The following TMEM225 variants were observed in gnomAD, a reference collection of about 807,000 sequenced individuals.
TMEM225 encodes the protein transmembrane protein 225, also known as PMP22 claudin domain-containing protein.
A neutral mutation model predicts 17.6 loss-of-function variants in TMEM225; 10 were observed. The observed-to-expected ratio is 0.57, with a 90% confidence interval of 0.35 to 0.96. The LOEUF (loss-of-function observed/expected upper bound fraction) is 0.96. TMEM225 is among the 40% of genes least tolerant of loss of function. The pLI is 0.02. For missense variants in TMEM225, 245 were observed against 271.5 expected, an observed-to-expected ratio of 0.90 and a Z score of 0.69; for synonymous variants, 101 against 94.5, an observed-to-expected ratio of 1.07 and a Z score of -0.40.
chr11:123,883,616 A>G (rs1478876434), intron 3 of TMEM225, among the ~76,000 whole-genome samples: 1 of 152,166 alleles, frequency 6.6e-6, no homozygotes, highest in African/African-American at 2.4e-5. Context: ...ATTACAAATG[A>G]AATTTTAAAG....
chr11:123,885,458 CACT>C lies in TMEM225; in HGVS notation c.-36_-34del. Reference sequence around the variant, plus strand: ...GAAAATTTCTAGCTGGAACCACCACCACTATTTTGTAGATCTCTTCCTTGATTT... The same window carrying C: ...GAAAATTTCTAGCTGGAACCACCACCATTTTGTAGATCTCTTCCTTGATTT... On this transcript the variant is annotated 5_prime_UTR_variant, in exon 1 of 4. The change creates a new upstream start codon in the 5' untranslated region. Coordinates refer to ENST00000375026, the MANE Select transcript of TMEM225 (RefSeq NM_001013743.3). The C allele has an allele frequency of 6.3e-7, 1 of 1,588,314 alleles. No homozygotes were observed. The highest frequency in any genetic ancestry group is 8.6e-7 in the Non-Finnish European group (1 of 1,164,510).
chr11:123,885,181 G>C, intron 1 of TMEM225, 64 bp downstream of exon 1: 1 of 1,483,608 alleles, frequency 6.7e-7, no homozygotes, highest in Non-Finnish European at 9.2e-7. Context: ...TGCAAGTTAA[G>C]GAAAGCCAAG....
chr11:123,885,473 C>A lies in TMEM225; in HGVS notation c.-48G>T. ...GAACCACCACCACTATTTTGTAGAT[C>A]TCTTCCTTGATTTGATTAGTTACAA... is the stretch of plus-strand genomic sequence containing the variant. On this transcript the variant is annotated 5_prime_UTR_variant, in exon 1 of 4. Transcript: ENST00000375026. 1 of 1,553,682 alleles carries A rather than the reference C, an allele frequency of 6.4e-7. No homozygotes were observed. Among genetic ancestry groups the A allele is most frequent in the East Asian group, 2.3e-5 (1 of 44,334 alleles).
chr11:123,884,220 GAC>G lies in TMEM225; in HGVS notation c.329-13_329-12del, dbSNP rs1863006305. 8.9e-5 allele frequency: 58 copies of G among 651,726 alleles called. No homozygotes were observed. Among genetic ancestry groups the G allele is most frequent in the South Asian group, 3.3e-4 (6 of 18,002 alleles). The allele number at this position is 651,726 out of a possible 1,614,324, so 40.4% of individuals were successfully genotyped here. The stretch of plus-strand genomic sequence containing the variant: ...AGAGCAGAGAGATACCTGATGTCCA[GAC>G]AAAAAAAAAAAAAAAAAAAGAAAAA... On this transcript the variant is annotated splice_polypyrimidine_tract_variant and intron_variant, in intron 2 of 3. Coordinates refer to ENST00000375026, the MANE Select transcript of TMEM225 (RefSeq NM_001013743.3).
At position 123,885,236 on chromosome 11, in the gene TMEM225, A is replaced by G. The variant is rs755815456; in HGVS notation, c.181+9T>C. 1 of 1,611,384 alleles carries G rather than the reference A, an allele frequency of 6.2e-7. No individual in the cohort carries two copies. Among genetic ancestry groups the G allele is most frequent in the East Asian group, 2.2e-5 (1 of 44,852 alleles). ...TTCCACCCGTCTCTTTCTAGAGTAC[A>G]GTTCTGACCTTCTGGCCAAAGAGCA... On this transcript the variant is annotated intron_variant, in intron 1 of 3. Coordinates refer to ENST00000375026, the MANE Select transcript of TMEM225 (RefSeq NM_001013743.3).
chr11:123,884,325 A>G, intron 2 of TMEM225, 116 bp from the exon 3 acceptor site: 1 of 1,361,736 alleles, frequency 7.3e-7, no homozygotes, highest in Non-Finnish European at 9.8e-7. Flanking sequence ...CCCAACCCCC[A>G]CCCGGTCCAA....
At position 123,883,200 on chromosome 11, in the gene TMEM225, C is replaced by A. The variant is rs1273013840; in HGVS notation, c.616G>T (p.Ala206Ser). The A allele has an allele frequency of 6.2e-7, 1 of 1,613,422 alleles. No homozygotes were observed. Among genetic ancestry groups the A allele is most frequent in the Non-Finnish European group, 8.5e-7 (1 of 1,179,642 alleles). ...CTAMPRSIVR[A>S]HTVNSLNKKV... ...TTGTTTAGGGAATTCACAGTGTGTG[C>A]ACGGACAATGCTACGAGGCATTGCA... The change falls in exon 4 of 4, where the codon GCA (alanine) becomes TCA (serine). Residue 206 changes from alanine to serine, a missense_variant. Transcript: ENST00000375026.
At position 123,885,500 on chromosome 11, in the gene TMEM225, A is replaced by C; in HGVS notation, c.-75T>G. On this transcript the variant is annotated 5_prime_UTR_variant, in exon 1 of 4. Transcript: ENST00000375026. Reference sequence around the variant, plus strand: ...CTTCCTTGATTTGATTAGTTACAAGAAGGGTGATATCTGAACTTTCAGTGG... The same window carrying C: ...CTTCCTTGATTTGATTAGTTACAAGCAGGGTGATATCTGAACTTTCAGTGG... 2.1e-6 allele frequency: 3 copies of C among 1,418,202 alleles called. No individual in the cohort carries two copies. Among genetic ancestry groups the C allele is most frequent in the Non-Finnish European group, 2.9e-6 (3 of 1,030,704 alleles). The allele number at this position is 1,418,202 out of a possible 1,614,324, so 87.9% of individuals were successfully genotyped here. A position where few individuals can be genotyped will look rare whatever the true frequency, so the allele number is the denominator to read the frequency against.
In TMEM225 at chr11:123,884,503, G is replaced by A; in HGVS notation, c.315C>T (p.Leu105=). ...NKYIQLFTTI[L]SFFSGISLLW... ...CCAGGAAGTTACCTGAGAAGAAACT[G>A]AGGATGGTAGTGAAGAGTTGTATAT... Residue 105 remains leucine, a synonymous_variant, in exon 2 of 4, where the codon CTC becomes CTT. Coordinates refer to ENST00000375026, the MANE Select transcript of TMEM225 (RefSeq NM_001013743.3). The A allele has an allele frequency of 6.2e-7, 1 of 1,610,708 alleles. No individual in the cohort carries two copies. Among genetic ancestry groups the A allele is most frequent in the Non-Finnish European group, 8.5e-7 (1 of 1,178,550 alleles).
Position 123,884,141 on chromosome 11 carries a change from A to G in TMEM225, c.397T>C (p.Ser133Pro), listed in dbSNP as rs538371635. The change falls in exon 3 of 4, where the codon TCT (serine) becomes CCT (proline). Residue 133 changes from serine to proline, a missense_variant. By Grantham distance (74) the Ser-to-Pro change is moderately conservative (BLOSUM62 -1). Coordinates refer to ENST00000375026, the MANE Select transcript of TMEM225 (RefSeq NM_001013743.3). ...ATGATCCAGGTGATCCTATAACTAGAGAAGTGCATGGATTGACCTTGCTTC... is the reference window on the plus strand; with the variant it reads ...ATGATCCAGGTGATCCTATAACTAGGGAAGTGCATGGATTGACCTTGCTTC... Reference protein sequence around the residue: ...KLKQGQSMHFSSYRITWIMYT... With the variant: ...KLKQGQSMHFPSYRITWIMYT... The G allele has an allele frequency of 9.9e-6, 16 of 1,611,606 alleles. No homozygotes were observed. The highest frequency in any genetic ancestry group is 1.7e-4 in the Middle Eastern group (1 of 6,052).
intron 1 of TMEM225, 26 bp from the exon 2 acceptor site, chr11:123,884,662 A>G (rs2137478175): frequency 6.2e-7 from 1 of 1,601,200 alleles, no homozygotes; most frequent in Middle Eastern, 1.7e-4. Flanking sequence ...AGCTGTTTTG[A>G]GAGGACAGAT....
intron 2 of TMEM225, 107 bp downstream of exon 2, chr11:123,884,383 C>A: frequency 1.5e-6 from 2 of 1,309,524 alleles, no homozygotes; most frequent in Non-Finnish European, 2.1e-6. Context: ...TATGGTAGAT[C>A]TAACTCAGAA....
At chr11:123,884,011 A>G in intron 3 of TMEM225, 64 bp downstream of exon 3, 3 of 1,499,376 alleles carry the variant, frequency 2.0e-6, no homozygotes, top group Middle Eastern at 1.8e-4. Context: ...TCATCTTTTT[A>G]CCCTTCCCTC....
Position 123,885,244 on chromosome 11 carries a change from C to A in TMEM225, c.181+1G>T, listed in dbSNP as rs1284701183. 1 of 1,612,704 alleles carries A rather than the reference C, an allele frequency of 6.2e-7. No individual in the cohort carries two copies. Among genetic ancestry groups the A allele is most frequent in the African/African-American group, 1.3e-5 (1 of 74,980 alleles). On this transcript the variant is annotated splice_donor_variant, in intron 1 of 3. Coordinates refer to ENST00000375026, the MANE Select transcript of TMEM225 (RefSeq NM_001013743.3). LOFTEE classifies it high-confidence loss of function. ...GTCTCTTTCTAGAGTACAGTTCTGA[C>A]CTTCTGGCCAAAGAGCAGGGCAACA... is the stretch of plus-strand genomic sequence containing the variant.
At position 123,883,183 on chromosome 11, in the gene TMEM225, G is replaced by A. The variant is rs753067038; in HGVS notation, c.633C>T (p.Ser211=). Residue 211 remains serine (S), a synonymous_variant, in exon 4 of 4, where the codon TCC becomes TCT. Coordinates refer to ENST00000375026, the MANE Select transcript of TMEM225 (RefSeq NM_001013743.3). Reference sequence around the variant, plus strand: ...GACGTGTTTGGACTTTTTTGTTTAGGGAATTCACAGTGTGTGCACGGACAA... The same window carrying A: ...GACGTGTTTGGACTTTTTTGTTTAGAGAATTCACAGTGTGTGCACGGACAA... ...RSIVRAHTVN[S]LNKKVQTRHV... 5 of 1,613,350 alleles carry A rather than the reference G, an allele frequency of 3.1e-6. No homozygotes were observed. Among genetic ancestry groups the A allele is most frequent in the African/African-American group, 2.7e-5 (2 of 74,856 alleles).
chr11:123,884,385 A>C, intron 2 of TMEM225, 105 bp downstream of exon 2: 2 of 1,311,002 alleles, frequency 1.5e-6, no homozygotes, highest in South Asian at 3.2e-5. Context: ...TGGTAGATCT[A>C]ACTCAGAAGC....
intron 3 of TMEM225, 47 bp downstream of exon 3, chr11:123,884,028 G>T: frequency 6.5e-7 from 1 of 1,548,360 alleles, no homozygotes; most frequent in Non-Finnish European, 8.7e-7. Context: ...CCTCTGTCGG[G>T]GATGGATTGG....
Position 123,883,217 on chromosome 11 carries a change from G to A in TMEM225, c.599C>T (p.Pro200Leu). ...DISLPECTAM[P>L]RSIVRAHTVN... is the part of the protein sequence containing the mutation. ...AGTGTGTGCACGGACAATGCTACGA[G>A]GCATTGCAGTGCATTCTGGTAATGA... The change falls in exon 4 of 4, where the codon CCT becomes CTT. Residue 200 changes from proline to leucine, a missense_variant. Pro to Leu is a moderately conservative substitution (Grantham distance 98). Transcript: ENST00000375026. 8.7e-6 allele frequency: 14 copies of A among 1,613,230 alleles called. No homozygotes were observed. Among genetic ancestry groups the A allele is most frequent in the Non-Finnish European group, 1.2e-5 (14 of 1,179,342 alleles).
intron 3 of TMEM225, among the ~76,000 whole-genome samples, chr11:123,883,673 G>T (rs922419000): frequency 6.6e-6 from 1 of 152,104 alleles, no homozygotes; most frequent in Non-Finnish European, 1.5e-5. Flanking sequence ...TGGCCATCTA[G>T]CATCAGATGT....
Sources: gnomAD v4.1 joint callset for allele counts (sites outside exome capture counted in the v4.1 genomes callset) on GRCh38, gnomAD v4.1.1 for gene constraint, MANE v1.5 for transcripts, NCBI Gene and HGNC (gene_info 2026-07-23, HGNC 2026-07-21) for gene names.